Variants in DENND1B observed in about 807,000 individuals in gnomAD.
The protein encoded by DENND1B is DENN domain containing 1B.
Under a neutral mutation model 90.1 loss-of-function variants are expected in DENND1B, and 59 were observed. The ratio of observed to expected loss-of-function variants is 0.65; its 90% CI spans 0.53 to 0.81. DENND1B has a LOEUF of 0.81. DENND1B is among the 40% of genes least tolerant of loss of function. The probability of loss-of-function intolerance (pLI) is 0.00; values close to 1 mark genes in which losing one functional copy is unlikely to be tolerated. For missense variants in DENND1B, 862 were observed against 912.6 expected, an observed-to-expected ratio of 0.94 and a Z score of 0.71; for synonymous variants, 337 against 324.6, an observed-to-expected ratio of 1.04 and a Z score of -0.41.
At chr1:197,774,063 G>A (rs1017989752) in intron 1 of DENND1B, among the ~76,000 whole-genome samples, 1 of 152,060 alleles carries the variant, frequency 6.6e-6, no homozygotes, top group African/African-American at 2.4e-5. Context: ...TAGCCTTTCC[G>A]CTATTAACTT....
At chr1:197,581,197 T>G (rs1674206092) in intron 15 of DENND1B, among the ~76,000 whole-genome samples, 1 of 152,184 alleles carries the variant, frequency 6.6e-6, no homozygotes, top group African/African-American at 2.4e-5. Flanking sequence ...TGACTCTTCT[T>G]TTAGAAGTTT....
At chr1:197,674,254 G>T in intron 3 of DENND1B, 85 bp from the exon 4 acceptor site, 2 of 976,494 alleles carry the variant, frequency 2.0e-6, no homozygotes, top group African/African-American at 1.7e-5. Flanking sequence ...ACATTTTCTA[G>T]GAGAAAAAGA....
chr1:197,686,700 T>C (rs867403015), intron 3 of DENND1B, among the ~76,000 whole-genome samples: 64 of 152,240 alleles, frequency 4.2e-4, no homozygotes, highest in African/African-American at 1.4e-3. Context: ...CACTGAAAAG[T>C]ATCTTCCTAG....
At chr1:197,684,171 C>T (rs941234045) in intron 3 of DENND1B, among the ~76,000 whole-genome samples, 3 of 152,190 alleles carry the variant, frequency 2.0e-5, no homozygotes, top group Non-Finnish European at 2.9e-5. Context: ...AATGCTTACT[C>T]TGTGCCAAGT....
intron 3 of DENND1B, among the ~76,000 whole-genome samples, chr1:197,706,153 T>C (rs1178258949): frequency 5.3e-5 from 8 of 152,334 alleles, no homozygotes; most frequent in African/African-American, 1.7e-4. Flanking sequence ...ATCTGTGGAC[T>C]TAAATTATAG....
intron 15 of DENND1B, among the ~76,000 whole-genome samples, chr1:197,572,462 T>C (rs529565249): frequency 6.6e-6 from 1 of 152,236 alleles, no homozygotes; most frequent in South Asian, 2.1e-4. Flanking sequence ...GCCTACTGCC[T>C]CTATAGACTC....
intron 2 of DENND1B, among the ~76,000 whole-genome samples, chr1:197,731,541 T>A (rs1361257061): frequency 6.6e-6 from 1 of 152,142 alleles, no homozygotes; most frequent in African/African-American, 2.4e-5. Flanking sequence ...GGCATGGTAG[T>A]TACGTGGCTG....
intron 3 of DENND1B, among the ~76,000 whole-genome samples, chr1:197,683,622 A>G (rs1444299564): frequency 6.6e-6 from 1 of 152,204 alleles, no homozygotes; most frequent in African/African-American, 2.4e-5. Context: ...ATATAAAAGC[A>G]GTAAGAGATA....
intron 10 of DENND1B, among the ~76,000 whole-genome samples, chr1:197,629,469 T>C (rs1456076157): frequency 5.7e-5 from 8 of 140,578 alleles, no homozygotes; most frequent in Non-Finnish European, 7.5e-5. Flanking sequence ...TAGGTGGGAA[T>C]TGAACAATGA....
intron 2 of DENND1B, among the ~76,000 whole-genome samples, chr1:197,752,338 A>C (rs1653665378): frequency 6.6e-6 from 1 of 151,998 alleles, no homozygotes; most frequent in Non-Finnish European, 1.5e-5. Context: ...CAAAACTGAC[A>C]CAAGCAGAAT....
At chr1:197,644,524 T>A (rs1182637282) in intron 9 of DENND1B, among the ~76,000 whole-genome samples, 2 of 152,112 alleles carry the variant, frequency 1.3e-5, no homozygotes, top group East Asian at 3.8e-4. Flanking sequence ...GGGACAAGGG[T>A]CATATAAGTC....
intron 15 of DENND1B, among the ~76,000 whole-genome samples, chr1:197,561,501 T>C (rs921644416): frequency 6.6e-6 from 1 of 151,874 alleles, no homozygotes; most frequent in African/African-American, 2.4e-5. Flanking sequence ...TTATACTTTT[T>C]CCTTTGGTAA....
At chr1:197,655,830 C>A (rs1010855583) in intron 6 of DENND1B, among the ~76,000 whole-genome samples, 1 of 152,122 alleles carries the variant, frequency 6.6e-6, no homozygotes, top group Non-Finnish European at 1.5e-5. Context: ...CCGCGCCCGG[C>A]CCATTAACTC....
chr1:197,620,134 C>T (rs1005579735), intron 10 of DENND1B, among the ~76,000 whole-genome samples: 1 of 151,074 alleles, frequency 6.6e-6, no homozygotes, highest in South Asian at 2.1e-4. Flanking sequence ...CCAAAGAAGA[C>T]GGAAGCATCC....
rs1230287452 is a variant in DENND1B, at chr1:197,542,924, TA to T, written c.1351-1910del. 5.9e-3 allele frequency among the ~76,000 whole-genome samples: 896 copies of T among 151,670 alleles called. 13 individuals carry two copies. The highest frequency in any genetic ancestry group is 0.02 in the African/African-American group (838 of 41,424). On this transcript the variant is annotated intron_variant, in intron 18 of 22. Coordinates refer to ENST00000620048, the MANE Select transcript of DENND1B (RefSeq NM_001195215.2). ...CTCCAGAGTAGAAACCTTTTTTATT[TA>T]TTTATTTATTTATTTATTTTTTTCC...
At chr1:197,516,653 G>A (rs1451603558) in intron 20 of DENND1B, among the ~76,000 whole-genome samples, 1 of 151,640 alleles carries the variant, frequency 6.6e-6, no homozygotes, top group Non-Finnish European at 1.5e-5. Context: ...AAAAATAAAG[G>A]TCTTTTGTGG....
intron 3 of DENND1B, among the ~76,000 whole-genome samples, chr1:197,692,194 G>C (rs1421596700): frequency 6.6e-6 from 1 of 151,158 alleles, no homozygotes; most frequent in Non-Finnish European, 1.5e-5. Flanking sequence ...CTCTAGTTGA[G>C]GTTCTCAACA....
At chr1:197,649,992 A>C (rs1652936082) in intron 7 of DENND1B, among the ~76,000 whole-genome samples, 1 of 152,168 alleles carries the variant, frequency 6.6e-6, no homozygotes, top group East Asian at 1.9e-4. Flanking sequence ...ATCTACAATA[A>C]ATTCAAACAA....
At chr1:197,529,318 ATGTGTGTATATATATGTG>A (rs1669447261) in intron 20 of DENND1B, among the ~76,000 whole-genome samples, 1 of 146,956 alleles carries the variant, frequency 6.8e-6, no homozygotes, top group South Asian at 2.1e-4. Context: ...ATGTATATAT[ATGTGTGTATATATATGTG>A]TGTGTGTGTG....
Sources: allele counts gnomAD v4.1 joint callset (sites outside exome capture counted in the v4.1 genomes callset), GRCh38; gene constraint gnomAD v4.1.1; transcripts MANE v1.5; gene names NCBI Gene and HGNC (gene_info 2026-07-23, HGNC 2026-07-21).